Variants in INPP4B observed in about 807,000 individuals in gnomAD.
The protein encoded by INPP4B is inositol polyphosphate-4-phosphatase type II B.
A neutral mutation model predicts 122.5 loss-of-function variants in INPP4B; 55 were observed. That is an observed-to-expected ratio of 0.45 (90% CI 0.36 to 0.56). The LOEUF (loss-of-function observed/expected upper bound fraction) is 0.56, where lower values mean the gene tolerates loss of function less well. INPP4B is among the 20% of genes least tolerant of loss of function. INPP4B has a pLI of 0.00. For missense variants in INPP4B, 1,000 were observed against 1,097.7 expected (o/e 0.91, Z 1.26); for synonymous variants, 403 against 388.7 (o/e 1.04, Z -0.43).
intron 2 of INPP4B, among the ~76,000 whole-genome samples, chr4:142,676,891 A>G (rs1321288449): frequency 6.6e-6 from 1 of 152,158 alleles, no homozygotes; most frequent in East Asian, 1.9e-4. Context: ...AAAAAACCCT[A>G]GAAGAAAACT....
rs1797288025 is a variant in INPP4B at position 142,123,202 on chromosome 4, A to G, written c.2017+90T>C. ...GTAATACTTGGCACAATAAAGGTTT[A>G]CTTATTTTTATGTTTTCTTGAAAAA... On this transcript the variant is annotated intron_variant, in intron 20 of 25. Transcript: ENST00000262992. The G allele has an allele frequency of 7.4e-6, 8 of 1,085,160 alleles. 1 individual carries two copies. In the South Asian group the frequency reaches 1.6e-4, roughly 22 times the overall value. The allele number at this position is 1,085,160 out of a possible 1,614,324, so 67.2% of individuals were successfully genotyped here. A position where few individuals can be genotyped will look rare whatever the true frequency, so the allele number is the denominator to read the frequency against.
Position 142,160,382 on chromosome 4 carries a change from A to C in INPP4B, c.1539T>G (p.His513Gln). 6.4e-7 allele frequency: 1 copy of C among 1,561,828 alleles called. No homozygotes were observed. Residue 513 changes from histidine (H) to glutamine (Q), a missense_variant, in exon 17 of 26, where the codon CAT (histidine) becomes CAG (glutamine). Physicochemically the swap from His to Gln is conservative, Grantham distance 24. Transcript: ENST00000262992. Reference sequence around the variant, plus strand: ...CCCACTCTTCCTCATCATAGTCTGAATGATGTGGTATGGAGTCCTGCCCTC... The same window carrying C: ...CCCACTCTTCCTCATCATAGTCTGACTGATGTGGTATGGAGTCCTGCCCTC... ...VMRGQDSIPHHSDYDEEEWDR... is the reference protein window; with the variant it reads ...VMRGQDSIPHQSDYDEEEWDR...
chr4:142,311,827 C>T (rs1014967134), intron 8 of INPP4B, among the ~76,000 whole-genome samples: 1 of 152,086 alleles, frequency 6.6e-6, no homozygotes, highest in Non-Finnish European at 1.5e-5. Context: ...AGCTTTTTGC[C>T]CTTGATTTTT....
intron 23 of INPP4B, among the ~76,000 whole-genome samples, chr4:142,091,946 G>T (rs75141529): frequency 0.011 from 1,723 of 152,248 alleles, 25 homozygotes; most frequent in African/African-American, 0.039. Flanking sequence ...CCCACACTAA[G>T]TGGCAGATAC....
chr4:142,144,924 T>A (rs537534261), intron 18 of INPP4B, among the ~76,000 whole-genome samples: 1 of 152,144 alleles, frequency 6.6e-6, no homozygotes, highest in African/African-American at 2.4e-5. Context: ...TCTTTTTTTT[T>A]AAAGTAAAAG....
intron 25 of INPP4B, among the ~76,000 whole-genome samples, chr4:142,038,347 T>C (rs1745255541): frequency 6.6e-6 from 1 of 152,162 alleles, no homozygotes; most frequent in Non-Finnish European, 1.5e-5. Context: ...GAATATAATT[T>C]AGAATATATT....
chr4:142,362,403 A>G (rs1785760203), intron 7 of INPP4B, among the ~76,000 whole-genome samples: 1 of 152,002 alleles, frequency 6.6e-6, no homozygotes, highest in Non-Finnish European at 1.5e-5. Context: ...AAAGAGAAAG[A>G]GAGAAAAGGA....
intron 7 of INPP4B, among the ~76,000 whole-genome samples, chr4:142,385,479 G>A (rs756212653): frequency 1.3e-5 from 2 of 152,000 alleles, no homozygotes; most frequent in African/African-American, 4.8e-5. Context: ...TCTGTACCTA[G>A]TGATTAGTTA....
intron 3 of INPP4B, among the ~76,000 whole-genome samples, chr4:142,454,245 C>T (rs1287246076): frequency 1.3e-5 from 2 of 152,002 alleles, no homozygotes; most frequent in Non-Finnish European, 2.9e-5. Context: ...TATTGAGCAC[C>T]TACTATATCG....
chr4:142,727,866 A>G (rs1362532876), intron 1 of INPP4B, among the ~76,000 whole-genome samples: 1 of 152,180 alleles, frequency 6.6e-6, no homozygotes, highest in Admixed American at 6.5e-5. Flanking sequence ...CAACAGAATG[A>G]GTCCCTGTCC....
chr4:142,432,711 G>A (rs1809596895), intron 3 of INPP4B, among the ~76,000 whole-genome samples: 2 of 152,020 alleles, frequency 1.3e-5, no homozygotes, highest in Admixed American at 1.3e-4. Flanking sequence ...GTAGCAGACT[G>A]CAAGGCATGT....
chr4:142,739,082 A>G (rs1767513723), intron 1 of INPP4B, among the ~76,000 whole-genome samples: 1 of 152,100 alleles, frequency 6.6e-6, no homozygotes, highest in Admixed American at 6.6e-5. Flanking sequence ...ATAATAACAA[A>G]ATAAAACCCT....
intron 5 of INPP4B, among the ~76,000 whole-genome samples, chr4:142,419,188 C>T (rs960982791): frequency 5.3e-5 from 8 of 151,956 alleles, no homozygotes; most frequent in Non-Finnish European, 1.2e-4. Context: ...CAGGTTCTGG[C>T]CATCTTAAAA....
At chr4:142,576,363 C>A (rs1733839502) in intron 2 of INPP4B, among the ~76,000 whole-genome samples, 1 of 151,884 alleles carries the variant, frequency 6.6e-6, no homozygotes, top group Non-Finnish European at 1.5e-5. Flanking sequence ...TAAAAAGTTG[C>A]CTTTTACCTC....
intron 15 of INPP4B, among the ~76,000 whole-genome samples, chr4:142,181,195 C>T (rs1244638985): frequency 6.6e-6 from 1 of 152,166 alleles, no homozygotes; most frequent in East Asian, 1.9e-4. Context: ...AGTTTCAGGG[C>T]TTGCTTACTA....
intron 2 of INPP4B, among the ~76,000 whole-genome samples, chr4:142,491,248 T>C (rs149895177): frequency 1.5e-3 from 224 of 152,136 alleles, no homozygotes; most frequent in Admixed American, 4.3e-3. Context: ...AAAAATCAAC[T>C]CAAAATGGAT....
intron 5 of INPP4B, chr4:142,427,527 C>A: frequency 3.2e-6 from 2 of 624,986 alleles, no homozygotes; most frequent in South Asian, 3.9e-5. Context: ...ACTTGGCTTT[C>A]TAAACAAACA....
At chr4:142,464,345 G>T (rs1008661776) in intron 2 of INPP4B, among the ~76,000 whole-genome samples, 3 of 152,018 alleles carry the variant, frequency 2.0e-5, no homozygotes, top group Non-Finnish European at 4.4e-5. Flanking sequence ...GATTAAAGTT[G>T]TTCTTTAACC....
chr4:142,615,236 G>A (rs1380555642), intron 2 of INPP4B, among the ~76,000 whole-genome samples: 1 of 152,122 alleles, frequency 6.6e-6, no homozygotes, highest in Non-Finnish European at 1.5e-5. Context: ...AAGTTAGACT[G>A]CACTTTGGTT....
Sources: allele counts gnomAD v4.1 joint callset (sites outside exome capture counted in the v4.1 genomes callset), GRCh38; gene constraint gnomAD v4.1.1; transcripts MANE v1.5; gene names NCBI Gene and HGNC (gene_info 2026-07-23, HGNC 2026-07-21).